ZSCAN25: variants seen among roughly 807,000 people sequenced by gnomAD.
ZSCAN25 encodes the protein zinc finger and SCAN domain-containing protein 25.
Under a neutral mutation model 38.7 loss-of-function variants are expected in ZSCAN25, and 27 were observed. That is an observed-to-expected ratio of 0.70 (90% CI 0.51 to 0.96). The LOEUF is 0.96. Ranked by LOEUF, ZSCAN25 falls within the 40% of genes least tolerant of loss-of-function variation. The pLI, the probability that ZSCAN25 is intolerant of heterozygous loss-of-function variation, is 0.00. For missense variants in ZSCAN25, 637 were observed against 705.9 expected, an observed-to-expected ratio of 0.90 and a Z score of 1.11; for synonymous variants, 273 against 277.7, an observed-to-expected ratio of 0.98 and a Z score of 0.17.
the ZSCAN25 span, chr7:99,705,085 A>G: frequency 8.9e-5 from 16 of 180,356 alleles, no homozygotes; most frequent in Non-Finnish European, 1.2e-4. Context: ...AAAGCTTACT[A>G]TAGAATACTA....
the ZSCAN25 span, among the ~76,000 whole-genome samples, chr7:99,697,288 A>G: frequency 3.3e-5 from 5 of 152,076 alleles, no homozygotes; most frequent in African/African-American, 9.7e-5. Context: ...GACTCCCCCA[A>G]CTGAGGGTTC....
the ZSCAN25 span, chr7:99,652,838 T>C: frequency 7.7e-7 from 1 of 1,291,642 alleles, no homozygotes; most frequent in Non-Finnish European, 1.1e-6. Flanking sequence ...CTCAACTGAG[T>C]CCATGCAGTA....
At chr7:99,648,508 A>AC in the ZSCAN25 span, 2 of 445,126 alleles carry the variant, frequency 4.5e-6, no homozygotes, top group Non-Finnish European at 8.3e-6. Flanking sequence ...AGCATATAAA[A>AC]ACGACTCTTA....
At chr7:99,623,329 A>G (rs1365173525) in intron 6 of ZSCAN25, among the ~76,000 whole-genome samples, 1 of 152,204 alleles carries the variant, frequency 6.6e-6, no homozygotes, top group African/African-American at 2.4e-5. Flanking sequence ...TTGGCCATAC[A>G]GGCCACACTA....
At chr7:99,737,961 T>C in the ZSCAN25 span, among the ~76,000 whole-genome samples, 1 of 152,218 alleles carries the variant, frequency 6.6e-6, no homozygotes, top group South Asian at 2.1e-4. Flanking sequence ...ATACTATGCA[T>C]TGGAAGAACA....
chr7:99,679,947 T>A, the ZSCAN25 span: 2 of 1,498,710 alleles, frequency 1.3e-6, no homozygotes, highest in African/African-American at 2.8e-5. Context: ...TTTAGCTGAG[T>A]GCTGCTGTTT....
chr7:99,667,084 AT>A, the ZSCAN25 span: 1 of 1,600,646 alleles, frequency 6.2e-7, no homozygotes, highest in Non-Finnish European at 8.5e-7. Flanking sequence ...CAACAGAAAC[AT>A]TTTTTCTCAC....
chr7:99,639,129 G>T, the ZSCAN25 span, among the ~76,000 whole-genome samples: 1 of 152,252 alleles, frequency 6.6e-6, no homozygotes, highest in Non-Finnish European at 1.5e-5. Flanking sequence ...GATGTTTCTG[G>T]AGGAACAATT....
the ZSCAN25 span, among the ~76,000 whole-genome samples, chr7:99,651,703 C>T: frequency 6.6e-6 from 1 of 152,316 alleles, no homozygotes; most frequent in South Asian, 2.1e-4. Flanking sequence ...AAATTTCATT[C>T]TAAATTTTGC....
chr7:99,722,450 G>T, the ZSCAN25 span: 1 of 1,433,076 alleles, frequency 7.0e-7, no homozygotes, highest in Non-Finnish European at 9.6e-7. Flanking sequence ...AATTAGACTT[G>T]CTGGCAGTTA....
chr7:99,690,291 T>G, the ZSCAN25 span, among the ~76,000 whole-genome samples: 1 of 152,268 alleles, frequency 6.6e-6, no homozygotes, highest in African/African-American at 2.4e-5. Flanking sequence ...ATACAAAAAT[T>G]AATTCAAGAT....
At chr7:99,717,285 C>A in the ZSCAN25 span, 2 of 1,613,798 alleles carry the variant, frequency 1.2e-6, no homozygotes, top group South Asian at 2.2e-5. Context: ...AAACACAACA[C>A]CACCCATAGT....
intron 1 of ZSCAN25, among the ~76,000 whole-genome samples, chr7:99,617,882 G>A (rs1411391608): frequency 1.3e-5 from 2 of 152,212 alleles, no homozygotes; most frequent in Admixed American, 6.5e-5. Context: ...GAGACACATG[G>A]GTAAACATTT....
chr7:99,724,002 C>T, the ZSCAN25 span, among the ~76,000 whole-genome samples: 1 of 152,156 alleles, frequency 6.6e-6, no homozygotes, highest in Non-Finnish European at 1.5e-5. Flanking sequence ...AGTACCACCT[C>T]CCCTGGGTCA....
At chr7:99,737,779 G>A in the ZSCAN25 span, among the ~76,000 whole-genome samples, 10 of 152,312 alleles carry the variant, frequency 6.6e-5, no homozygotes, top group East Asian at 1.2e-3. Context: ...TAGACTAATC[G>A]TTGCTTGGAA....
At position 99,624,052 on chromosome 7, in the gene ZSCAN25, T is replaced by C; in HGVS notation, c.682-5T>C. The C allele has an allele frequency of 6.2e-7, 1 of 1,614,202 alleles. No individual in the cohort carries two copies. On this transcript the variant is annotated splice_polypyrimidine_tract_variant and splice_region_variant and intron_variant, in intron 6 of 7. Coordinates refer to ENST00000394152, the MANE Select transcript of ZSCAN25 (RefSeq NM_145115.3). ...TTTATTCATAGCAATCTCCTATTGT[T>C]GCAGGGGTTGGGGCCATTTAAAGAT... is the stretch of plus-strand genomic sequence containing the variant.
At chr7:99,704,332 T>G in the ZSCAN25 span, among the ~76,000 whole-genome samples, 4 of 152,092 alleles carry the variant, frequency 2.6e-5, no homozygotes, top group Admixed American at 2.6e-4. Context: ...ACTCTGTCAC[T>G]CAGGCTGGAG....
At chr7:99,663,936 A>G in the ZSCAN25 span, 1 of 1,559,488 alleles carries the variant, frequency 6.4e-7, no homozygotes, top group Non-Finnish European at 8.6e-7. Flanking sequence ...TCAAAACCTA[A>G]ACATCGTCAT....
At chr7:99,652,363 G>A in the ZSCAN25 span, 1 of 477,840 alleles carries the variant, frequency 2.1e-6, no homozygotes, top group Non-Finnish European at 3.7e-6. Context: ...TGCTGGGACT[G>A]TGGATGGATG....
Sources: allele counts gnomAD v4.1 joint callset (sites outside exome capture counted in the v4.1 genomes callset), GRCh38; gene constraint gnomAD v4.1.1; transcripts MANE v1.5; gene names NCBI Gene and HGNC (gene_info 2026-07-23, HGNC 2026-07-21).